SUSD3: variants seen among roughly 807,000 people sequenced by gnomAD.
The protein encoded by SUSD3 is sushi domain-containing protein 3.
In SUSD3, 18 loss-of-function variants were observed where a neutral mutation model predicts 20.6. That is an observed-to-expected ratio of 0.87 (90% CI 0.60 to 1.30). SUSD3 has a LOEUF of 1.30. Among genes scored for constraint, SUSD3 ranks in the 50% most tolerant of loss-of-function variants. SUSD3 has a pLI of 0.00. For synonymous variants in SUSD3, 137 were observed against 141.5 expected (o/e 0.97, Z 0.23); for missense variants, 306 against 346.9 (o/e 0.88, Z 0.94).
intron 2 of SUSD3, among the ~76,000 whole-genome samples, chr9:93,076,309 GTTCATTCA>G (rs35809322): frequency 0.1 from 15,132 of 151,390 alleles, 1,731 homozygotes; most frequent in African/African-American, 0.29. Flanking sequence ...AACTATGTTT[GTTCATTCA>G]TTCATTCATT....
intron 1 of SUSD3, among the ~76,000 whole-genome samples, chr9:93,066,474 C>T (rs374832328): frequency 3.3e-5 from 5 of 152,124 alleles, no homozygotes; most frequent in African/African-American, 1.2e-4. Flanking sequence ...CCTCATGATC[C>T]GCCTGCCTCA....
At chr9:93,065,504 G>C (rs900156317) in intron 1 of SUSD3, among the ~76,000 whole-genome samples, 1 of 152,194 alleles carries the variant, frequency 6.6e-6, no homozygotes, top group Non-Finnish European at 1.5e-5. Flanking sequence ...CTCTGCAAGG[G>C]CCGCAGTGGG....
chr9:93,075,735 T>TTCCCCCCCCCCCCCCCCCCC, intron 1 of SUSD3, 49 bp from the exon 2 acceptor site: 5 of 247,426 alleles, frequency 2.0e-5, no homozygotes, highest in Non-Finnish European at 2.9e-5. Context: ...CTGCCCTGCG[T>TTCCCCCCCCCCCCCCCCCCC]GCCCACCCCC....
In SUSD3 at chr9:93,080,318, C is replaced by CAA. The variant is rs56134136; in HGVS notation, c.557+737_557+738dup. Among the ~76,000 whole-genome samples the CAA allele has an allele frequency of 9.4e-3, 525 of 55,612 alleles. 4 individuals are homozygous for CAA. Among genetic ancestry groups the CAA allele is most frequent in the Middle Eastern group, 0.018 (2 of 112 alleles). The allele number at this position is 55,612 out of a possible 152,430, so 36.5% of individuals were successfully genotyped here. On this transcript the variant is annotated intron_variant, in intron 4 of 4. Coordinates refer to ENST00000375472, the MANE Select transcript of SUSD3 (RefSeq NM_145006.4). ...TGGGCGACAGAGCGAGACTCCGTCT[C>CAA]AAAAAAAAAAAAAAAAAAAAAACAA...
chr9:93,080,236 T>C (rs1164962142), intron 4 of SUSD3, among the ~76,000 whole-genome samples: 1 of 149,258 alleles, frequency 6.7e-6, no homozygotes, highest in Non-Finnish European at 1.5e-5. Context: ...GGAGAATCAC[T>C]TGAACCCAGG....
intron 1 of SUSD3, 40 bp downstream of exon 1, chr9:93,058,870 G>C: frequency 8.4e-7 from 1 of 1,192,102 alleles, no homozygotes; most frequent in Non-Finnish European, 1.1e-6. Context: ...GGGGCTCTGC[G>C]CCCATTTCAC....
rs147798858 is a variant in SUSD3 at position 93,077,492 on chromosome 9, C to T, written c.278-354C>T. ...TCTACATACCCTACAAAACCCTGCT[C>T]AAATACCCTCTTCAGTTAGCCACTC... On this transcript the variant is annotated intron_variant, in intron 2 of 4. Coordinates refer to ENST00000375472, the MANE Select transcript of SUSD3 (RefSeq NM_145006.4). Among the ~76,000 whole-genome samples, 405 of 152,170 alleles carry T rather than the reference C, an allele frequency of 2.7e-3. 3 individuals are homozygous for T. The highest frequency in any genetic ancestry group is 8.5e-3 in the African/African-American group (353 of 41,482).
intron 3 of SUSD3, among the ~76,000 whole-genome samples, chr9:93,079,049 G>T (rs1418992356): frequency 6.6e-6 from 1 of 151,266 alleles, no homozygotes; most frequent in Non-Finnish European, 1.5e-5. Context: ...TGATCCACCT[G>T]CCACGGCCTC....
intron 4 of SUSD3, among the ~76,000 whole-genome samples, chr9:93,080,708 C>A (rs550167079): frequency 5.2e-4 from 79 of 152,342 alleles, no homozygotes; most frequent in African/African-American, 1.9e-3. Context: ...CTGCAAGTGT[C>A]CCTCCACTGT....
chr9:93,071,895 T>C (rs1825925463), intron 1 of SUSD3, among the ~76,000 whole-genome samples: 1 of 152,076 alleles, frequency 6.6e-6, no homozygotes, highest in Non-Finnish European at 1.5e-5. Flanking sequence ...TGAGGTGAGA[T>C]GGGGCAGATT....
chr9:93,060,623 G>T (rs1048206132), intron 1 of SUSD3, among the ~76,000 whole-genome samples: 2 of 151,936 alleles, frequency 1.3e-5, no homozygotes, highest in East Asian at 1.9e-4. Context: ...TTGAGTCCAG[G>T]AGCTCGAAAC....
chr9:93,075,746 C>G (rs755816317), intron 1 of SUSD3, 38 bp from the exon 2 acceptor site: 3 of 184,894 alleles, frequency 1.6e-5, no homozygotes, highest in Non-Finnish European at 3.3e-5. Flanking sequence ...GCCCACCCCC[C>G]CCCCCCCGCC....
intron 2 of SUSD3, among the ~76,000 whole-genome samples, chr9:93,076,578 T>C (rs1826176828): frequency 1.3e-5 from 2 of 152,210 alleles, no homozygotes. Flanking sequence ...ATGTGTTTTG[T>C]GCATAAAAAG....
chr9:93,078,945 G>A (rs899309928), intron 3 of SUSD3, among the ~76,000 whole-genome samples: 1 of 151,738 alleles, frequency 6.6e-6, no homozygotes, highest in Non-Finnish European at 1.5e-5. Context: ...GACTACAAGC[G>A]CCCGCCACCA....
intron 1 of SUSD3, among the ~76,000 whole-genome samples, chr9:93,064,173 A>G (rs561971738): frequency 3.3e-5 from 5 of 151,900 alleles, no homozygotes; most frequent in Non-Finnish European, 5.9e-5. Context: ...TCAGCCTCCT[A>G]AGTAGCTGGG....
intron 1 of SUSD3, among the ~76,000 whole-genome samples, chr9:93,060,739 A>G (rs1240621200): frequency 6.6e-6 from 1 of 152,140 alleles, no homozygotes; most frequent in Non-Finnish European, 1.5e-5. Flanking sequence ...GGGAGGCTGA[A>G]AGGTGGAAGG....
intron 1 of SUSD3, among the ~76,000 whole-genome samples, chr9:93,060,431 C>G (rs1825459851): frequency 6.6e-6 from 1 of 152,170 alleles, no homozygotes; most frequent in South Asian, 2.1e-4. Flanking sequence ...ATGCCATCAT[C>G]TGGACTCCAT....
chr9:93,072,336 G>A (rs1825944263), intron 1 of SUSD3, among the ~76,000 whole-genome samples: 1 of 152,198 alleles, frequency 6.6e-6, no homozygotes, highest in African/African-American at 2.4e-5. Flanking sequence ...GGGGTCCTCA[G>A]TCATGCAGAG....
At chr9:93,064,731 G>A (rs1258570386) in intron 1 of SUSD3, among the ~76,000 whole-genome samples, 1 of 152,208 alleles carries the variant, frequency 6.6e-6, no homozygotes, top group East Asian at 1.9e-4. Flanking sequence ...GAGGAAGTCA[G>A]CTGTGGAGGT....
Sources: allele counts gnomAD v4.1 joint callset (sites outside exome capture counted in the v4.1 genomes callset), GRCh38; gene constraint gnomAD v4.1.1; transcripts MANE v1.5; gene names NCBI Gene and HGNC (gene_info 2026-07-23, HGNC 2026-07-21).